PXDN: variants seen among roughly 807,000 people sequenced by gnomAD.
The protein encoded by PXDN is peroxidasin.
Under a neutral mutation model 140.3 loss-of-function variants are expected in PXDN, and 77 were observed. That is an observed-to-expected ratio of 0.55 (90% CI 0.46 to 0.66). The LOEUF is 0.66. PXDN is among the 30% of genes least tolerant of loss of function. PXDN has a pLI of 0.00. For synonymous variants in PXDN, 911 were observed against 857.4 expected, an observed-to-expected ratio of 1.06 and a Z score of -1.09; for missense variants, 1,838 against 2,039.5, an observed-to-expected ratio of 0.90 and a Z score of 1.90.
chr2:1,694,995 G>A (rs538004374), intron 1 of PXDN, among the ~76,000 whole-genome samples: 2 of 152,348 alleles, frequency 1.3e-5, no homozygotes, highest in South Asian at 4.1e-4. Context: ...ACAGCTTAGA[G>A]CAAAAATCAA....
At chr2:1,683,981 T>G in intron 5 of PXDN, 99 bp downstream of exon 5, 1 of 1,184,470 alleles carries the variant, frequency 8.4e-7, no homozygotes, top group Non-Finnish European at 1.2e-6. Context: ...ATTGAAACAG[T>G]TTTCAGGTGT....
chr2:1,693,836 G>A (rs1023500263), intron 1 of PXDN, among the ~76,000 whole-genome samples: 4 of 152,308 alleles, frequency 2.6e-5, no homozygotes, highest in South Asian at 2.1e-4. Context: ...GTGCTGGAAA[G>A]AGAAACACTT....
chr2:1,711,776 A>C (rs1041352534), intron 1 of PXDN, among the ~76,000 whole-genome samples: 6 of 152,214 alleles, frequency 3.9e-5, no homozygotes, highest in South Asian at 4.1e-4. Flanking sequence ...TGACGCCCCT[A>C]AACAGCCAGC....
chr2:1,737,057 C>T (rs1685437918), intron 1 of PXDN, among the ~76,000 whole-genome samples: 2 of 152,286 alleles, frequency 1.3e-5, no homozygotes, highest in South Asian at 2.1e-4. Context: ...CCGTAAACAC[C>T]CTGCCCTGGT....
intron 1 of PXDN, among the ~76,000 whole-genome samples, chr2:1,742,813 G>C (rs10185691): frequency 0.63 from 95,076 of 152,100 alleles, 29,986 homozygotes; most frequent in East Asian, 0.88. Context: ...GAGGAACTCG[G>C]GCCCCCGCCC....
intron 15 of PXDN, 177 bp from the exon 16 acceptor site, chr2:1,653,962 A>G: frequency 2.8e-6 from 2 of 722,268 alleles, no homozygotes; most frequent in Non-Finnish European, 4.3e-6. Flanking sequence ...CAAAACAAAC[A>G]GACAAAAACC....
At chr2:1,684,751 T>C (rs184586978) in intron 4 of PXDN, among the ~76,000 whole-genome samples, 540 of 152,344 alleles carry the variant, frequency 3.5e-3, no homozygotes, top group Middle Eastern at 0.017. Flanking sequence ...AGTGTTTCTA[T>C]TTCTTTCCAT....
intron 1 of PXDN, among the ~76,000 whole-genome samples, chr2:1,720,008 G>C (rs1193548857): frequency 2.2e-5 from 1 of 44,720 alleles, no homozygotes; most frequent in Non-Finnish European, 4.3e-5. Flanking sequence ...GGGAGGGGAG[G>C]GATGTAGAGA....
chr2:1,724,028 C>T (rs1308054972), intron 1 of PXDN, among the ~76,000 whole-genome samples: 4 of 152,140 alleles, frequency 2.6e-5, no homozygotes, highest in African/African-American at 9.7e-5. Context: ...TTGGCTATGA[C>T]TAGGAAAAGG....
chr2:1,683,424 T>A (rs976836421), intron 6 of PXDN, among the ~76,000 whole-genome samples: 32 of 152,120 alleles, frequency 2.1e-4, no homozygotes, highest in Admixed American at 4.6e-4. Flanking sequence ...TGAAAAAAAA[T>A]TTTTTTAAGT....
intron 19 of PXDN, among the ~76,000 whole-genome samples, chr2:1,641,541 C>T (rs1158714835): frequency 1.3e-5 from 2 of 152,180 alleles, no homozygotes; most frequent in Non-Finnish European, 2.9e-5. Context: ...TATTTTTCTG[C>T]TGTATTTAGA....
chr2:1,718,415 C>T (rs1445648880), intron 1 of PXDN, among the ~76,000 whole-genome samples: 2 of 152,106 alleles, frequency 1.3e-5, no homozygotes, highest in African/African-American at 4.8e-5. Flanking sequence ...TGTCACTAAC[C>T]TACCACCTAA....
rs540988982 is a variant in PXDN, at chr2:1,634,878, C to G, written c.4320+530G>C. 2.8e-3 allele frequency among the ~76,000 whole-genome samples: 419 copies of G among 152,346 alleles called. 7 individuals are homozygous for G. Among genetic ancestry groups the G allele is most frequent in the African/African-American group, 8.8e-3 (367 of 41,578 alleles). On this transcript the variant is annotated intron_variant, in intron 22 of 22. Transcript: ENST00000252804. ...CTCACACTATGCCCCAAGCTTTCCA[C>G]GGAGCCTGGTTCCAGCCAGACGTCT... is the stretch of plus-strand genomic sequence containing the variant.
chr2:1,682,414 T>G (rs1049704383), intron 6 of PXDN, among the ~76,000 whole-genome samples: 7 of 152,132 alleles, frequency 4.6e-5, no homozygotes, highest in African/African-American at 1.7e-4. Context: ...ACTGAAGAGA[T>G]AAAACAAATC....
At chr2:1,662,297 C>T (rs971753550) in intron 12 of PXDN, 113 bp from the exon 13 acceptor site, 1 of 885,572 alleles carries the variant, frequency 1.1e-6, no homozygotes, top group African/African-American at 1.7e-5. Flanking sequence ...TGGGAGCTCA[C>T]AGTCAGTTTC....
In PXDN at chr2:1,685,612, C is replaced by T. The variant is rs1478691771; in HGVS notation, c.417-1461G>A. Among the ~76,000 whole-genome samples the T allele has an allele frequency of 6.6e-6, 1 of 151,928 alleles. No individual in the cohort carries two copies. Among genetic ancestry groups the T allele is most frequent in the Non-Finnish European group, 1.5e-5 (1 of 67,992 alleles). The stretch of plus-strand genomic sequence containing the variant: ...CCCAGAAGGATGAGGAGGTACTGAC[C>T]GAGGGAAGGAAAGGGGGTATTTCAA... On this transcript the variant is annotated intron_variant, in intron 4 of 22. Coordinates refer to ENST00000252804, the MANE Select transcript of PXDN (RefSeq NM_012293.3). The surrounding 1 kb of genome is among the most constrained non-coding windows in gnomAD (Gnocchi z 5.1).
chr2:1,637,687 GCCACACGCTGTCCACTCTGA>G (rs1682601809), intron 21 of PXDN, among the ~76,000 whole-genome samples: 13 of 126,216 alleles, frequency 1.0e-4, no homozygotes, highest in South Asian at 8.1e-4. Flanking sequence ...AGGAGGACCT[GCCACACGCTGTCCACTCTGA>G]CAGCTGCCTG....
At chr2:1,658,695 G>A (rs150688691) in intron 14 of PXDN, among the ~76,000 whole-genome samples, 5 of 152,018 alleles carry the variant, frequency 3.3e-5, no homozygotes, top group Non-Finnish European at 5.9e-5. Flanking sequence ...AAGGACAGTC[G>A]AGCTCTGCAG....
intron 14 of PXDN, among the ~76,000 whole-genome samples, chr2:1,657,517 C>T (rs1683173929): frequency 6.6e-6 from 1 of 150,808 alleles, no homozygotes; most frequent in Admixed American, 6.6e-5. Flanking sequence ...ACTAGGACGT[C>T]CCCCTCCTGA....
Sources: allele counts gnomAD v4.1 joint callset (sites outside exome capture counted in the v4.1 genomes callset), GRCh38; gene constraint gnomAD v4.1.1; non-coding constraint Gnocchi (gnomAD v3.1); transcripts MANE v1.5; gene names NCBI Gene and HGNC (gene_info 2026-07-23, HGNC 2026-07-21).